ZFHX3: variants seen among roughly 807,000 people sequenced by gnomAD.
The protein encoded by ZFHX3 is zinc finger homeobox protein 3.
ZFHX3 carries 42 observed loss-of-function variants against 279.1 expected under a neutral mutation model. The observed-to-expected ratio is 0.15, with a 90% CI of 0.12 to 0.19. ZFHX3 has a LOEUF of 0.19. Ranked by LOEUF, ZFHX3 falls within the 10% of genes least tolerant of loss-of-function variation. The pLI is 1.00. For missense variants in ZFHX3, 4,981 were observed against 4,754.0 expected (o/e 1.05, Z -1.40); for synonymous variants, 2,293 against 1,957.8 (o/e 1.17, Z -4.52).
chr16:73,407,137 A>G lies in ZFHX3; in HGVS notation c.-1291+48866T>C, dbSNP rs181073802. ...TAGAGATACTCAGTGGGTGGAGGCC[A>G]AGGATGCTGCTAAACATTCTACACT... On this transcript the variant is annotated intron_variant, in intron 3 of 17. Coordinates refer to the ZFHX3 transcript ENST00000641206. 6.0e-4 allele frequency among the ~76,000 whole-genome samples: 91 copies of G among 152,318 alleles called. 1 individual carries two copies. Among genetic ancestry groups the G allele is most frequent in the South Asian group, 3.3e-3 (16 of 4,824 alleles).
In ZFHX3 at chr16:73,437,031, G is replaced by A. The variant is rs538160369; in HGVS notation, c.-1291+18972C>T. On this transcript the variant is annotated intron_variant, in intron 3 of 17. Transcript: ENST00000641206. The stretch of plus-strand genomic sequence containing the variant: ...TAGACAGGCTCTGGGGAGGCCTGGA[G>A]CTCAGCAGTCTGCCTGACACCGCAA... 3.9e-5 allele frequency among the ~76,000 whole-genome samples: 6 copies of A among 152,274 alleles called. No individual in the cohort carries two copies. In the East Asian group the frequency reaches 1.2e-3, roughly 29 times the overall value.
intron 4 of ZFHX3, among the ~76,000 whole-genome samples, chr16:73,308,257 ATATATATATATATATATATATTTATT>A (rs1222233325): frequency 2.5e-4 from 7 of 28,088 alleles, no homozygotes; most frequent in East Asian, 7.8e-4. Context: ...ATATATATAT[ATATATATATATATATATATATTTATT>A]TATTTATTTT....
chr16:72,950,705 G>T lies in ZFHX3; in HGVS notation c.2980C>A (p.Gln994Lys), dbSNP rs1960947016. The T allele has an allele frequency of 6.2e-7, 1 of 1,614,118 alleles. No homozygotes were observed. The highest frequency in any genetic ancestry group is 8.5e-7 in the Non-Finnish European group (1 of 1,180,054). Residue 994 changes from glutamine (Q) to lysine (K), a missense_variant, in exon 3 of 10, where the codon CAG (glutamine) becomes AAG (lysine). Around this residue, in one of 7 missense-constraint regions of ZFHX3, gnomAD observed 1,751 missense variants for 1,770.0 expected, o/e 0.99. Transcript: ENST00000268489. ...YQCKLCRYNT[Q>K]LKANFQLHCK... ...TGCAGCTGGAAGTTGGCCTTGAGCT[G>T]GGTGTTGTAGCGGCAGAGCTTGCAC... is the stretch of plus-strand genomic sequence containing the variant.
intron 5 of ZFHX3, among the ~76,000 whole-genome samples, chr16:73,153,279 T>A (rs915190616): frequency 2.6e-5 from 4 of 152,150 alleles, no homozygotes; most frequent in African/African-American, 7.2e-5. Context: ...ATTTTGTAAT[T>A]TAAGTTTATT....
At chr16:73,756,870 T>C (rs1399793312) in intron 1 of ZFHX3, among the ~76,000 whole-genome samples, 3 of 152,150 alleles carry the variant, frequency 2.0e-5, no homozygotes, top group Non-Finnish European at 2.9e-5. Context: ...CCGTGTATGT[T>C]ATTTATGACG....
At chr16:73,378,219 G>A (rs1388016401) in intron 3 of ZFHX3, among the ~76,000 whole-genome samples, 2 of 152,016 alleles carry the variant, frequency 1.3e-5, no homozygotes, top group African/African-American at 2.4e-5. Flanking sequence ...AAGAGTCAAC[G>A]TGCTTCCTCT....
At chr16:73,288,799 C>T (rs1474600821) in intron 4 of ZFHX3, among the ~76,000 whole-genome samples, 2 of 151,858 alleles carry the variant, frequency 1.3e-5, no homozygotes, top group African/African-American at 4.8e-5. Flanking sequence ...CGGTAAATAA[C>T]CGCCCGTTTT....
Position 73,458,402 on chromosome 16 carries a change from G to A in ZFHX3, c.-1546-2144C>T, listed in dbSNP as rs1293064162. On this transcript the variant is annotated intron_variant, in intron 2 of 17. Coordinates refer to the ZFHX3 transcript ENST00000641206. ...CTCCCTTCCTTCCCTCCCTCCCTGA[G>A]TCTTACTCAATTGCCCAGGCTGGAG... is the stretch of plus-strand genomic sequence containing the variant. Among the ~76,000 whole-genome samples the A allele has an allele frequency of 4.6e-5, 6 of 129,238 alleles. No individual in the cohort carries two copies. In the East Asian group the frequency reaches 1.7e-3, roughly 36 times the overall value. 84.8% of individuals were successfully genotyped at this position (129,238 alleles called of 152,430 possible). A position where few individuals can be genotyped will look rare whatever the true frequency, so the allele number is the denominator to read the frequency against.
At chr16:73,191,714 A>G (rs544713801) in intron 5 of ZFHX3, among the ~76,000 whole-genome samples, 1 of 141,692 alleles carries the variant, frequency 7.1e-6, no homozygotes, top group South Asian at 2.2e-4. Context: ...GACAATACAG[A>G]GCTGTATTTC....
chr16:73,252,675 G>A (rs1030859193), intron 5 of ZFHX3, among the ~76,000 whole-genome samples: 5 of 152,102 alleles, frequency 3.3e-5, no homozygotes, highest in African/African-American at 1.2e-4. Context: ...AGAAAGGGGA[G>A]GAGCAGCAAA....
intron 3 of ZFHX3, among the ~76,000 whole-genome samples, chr16:72,920,877 C>G (rs1249465338): frequency 1.3e-5 from 2 of 151,812 alleles, no homozygotes; most frequent in East Asian, 1.9e-4. Context: ...TGAGACCAGC[C>G]TGGGTAAGAA....
chr16:73,624,968 C>G (rs1446450953), intron 2 of ZFHX3, among the ~76,000 whole-genome samples: 1 of 152,222 alleles, frequency 6.6e-6, no homozygotes, highest in Non-Finnish European at 1.5e-5. Flanking sequence ...CTGATGGTCC[C>G]ATTTTCATGG....
intron 1 of ZFHX3, among the ~76,000 whole-genome samples, chr16:73,801,656 T>G (rs1446666053): frequency 1.3e-5 from 2 of 152,242 alleles, no homozygotes; most frequent in Non-Finnish European, 2.9e-5. Flanking sequence ...GACCCTCTTC[T>G]TCCTCTAAAG....
intron 3 of ZFHX3, among the ~76,000 whole-genome samples, chr16:73,348,958 T>C (rs1377908205): frequency 6.6e-6 from 1 of 152,130 alleles, no homozygotes; most frequent in Non-Finnish European, 1.5e-5. Flanking sequence ...AGTGGGAAAA[T>C]ATACTTTTAA....
At chr16:72,945,880 T>C (rs1471939447) in intron 3 of ZFHX3, among the ~76,000 whole-genome samples, 1 of 152,042 alleles carries the variant, frequency 6.6e-6, no homozygotes, top group Admixed American at 6.6e-5. Flanking sequence ...CCTACGGACG[T>C]AAAATGTGTA....
chr16:73,073,124 T>A (rs189342687), intron 8 of ZFHX3, among the ~76,000 whole-genome samples: 4 of 152,232 alleles, frequency 2.6e-5, no homozygotes, highest in Admixed American at 2.6e-4. Context: ...CTCAAACTCC[T>A]GAGCTCTGGC....
At chr16:73,114,091 C>T (rs561097746) in intron 7 of ZFHX3, among the ~76,000 whole-genome samples, 2 of 151,156 alleles carry the variant, frequency 1.3e-5, no homozygotes, top group South Asian at 2.1e-4. Flanking sequence ...CTGCTGTGCC[C>T]GGCCATTTTT....
chr16:73,861,631 G>A (rs1251222612), intron 1 of ZFHX3, among the ~76,000 whole-genome samples: 1 of 152,150 alleles, frequency 6.6e-6, no homozygotes, highest in African/African-American at 2.4e-5. Context: ...TTGGCACCAT[G>A]TTCCAGGTCC....
At chr16:73,655,297 A>T (rs1301354534) in intron 2 of ZFHX3, among the ~76,000 whole-genome samples, 4 of 152,356 alleles carry the variant, frequency 2.6e-5, no homozygotes, top group Non-Finnish European at 5.9e-5. Context: ...CACAGCCAGT[A>T]CAAGGCAAAG....
Sources: allele counts gnomAD v4.1 joint callset (sites outside exome capture counted in the v4.1 genomes callset), GRCh38; gene constraint gnomAD v4.1.1; regional missense constraint gnomAD v4.1.1; transcripts MANE v1.5; gene names NCBI Gene and HGNC (gene_info 2026-07-23, HGNC 2026-07-21).